SNTG2: variants seen among roughly 807,000 people sequenced by gnomAD.
SNTG2 encodes gamma-2-syntrophin.
SNTG2 carries 74 observed loss-of-function variants against 70.9 expected under a neutral mutation model. That is an observed-to-expected ratio of 1.04 (90% CI 0.86 to 1.27). SNTG2 has a LOEUF of 1.27. Among genes scored for constraint, SNTG2 ranks in the 50% most tolerant of loss-of-function variants. SNTG2 has a pLI of 0.00. For missense variants in SNTG2, 717 were observed against 690.7 expected (o/e 1.04, Z -0.43); for synonymous variants, 278 against 273.8 (o/e 1.02, Z -0.15).
At chr2:1,301,964 C>CTTT (rs773498290) in intron 14 of SNTG2, among the ~76,000 whole-genome samples, 4 of 141,368 alleles carry the variant, frequency 2.8e-5, no homozygotes, top group Non-Finnish European at 6.2e-5. Context: ...AGTTTTCTTA[C>CTTT]TTTTTTTTTT....
chr2:1,117,916 C>G (rs1667139163), intron 4 of SNTG2, among the ~76,000 whole-genome samples: 7 of 152,176 alleles, frequency 4.6e-5, no homozygotes, highest in Admixed American at 4.6e-4. Flanking sequence ...GGTTTTGGGT[C>G]CAGGATTGCA....
At chr2:1,075,615 T>G (rs1663865962) in intron 1 of SNTG2, among the ~76,000 whole-genome samples, 2 of 152,222 alleles carry the variant, frequency 1.3e-5, no homozygotes, top group African/African-American at 4.8e-5. Context: ...TCGTTTTTCT[T>G]CTTATCCGAA....
intron 1 of SNTG2, among the ~76,000 whole-genome samples, chr2:997,557 G>A (rs957950751): frequency 6.6e-6 from 1 of 152,192 alleles, no homozygotes; most frequent in Non-Finnish European, 1.5e-5. Flanking sequence ...AGAATGTCAG[G>A]ATGGGAGCTG....
Position 1,083,512 on chromosome 2 carries a change from C to G in SNTG2, c.73-6C>G. The G allele has an allele frequency of 1.9e-6, 3 of 1,613,508 alleles. No homozygotes were observed. Among genetic ancestry groups the G allele is most frequent in the Non-Finnish European group, 2.5e-6 (3 of 1,179,580 alleles). ...ATTTTTTTGTGTTTCCACTTTGTCC[C>G]TACAGACGAAAACCACTATTGCTCT... On this transcript the variant is annotated splice_polypyrimidine_tract_variant and splice_region_variant and intron_variant, in intron 1 of 16. Transcript: ENST00000308624.
intron 9 of SNTG2, among the ~76,000 whole-genome samples, chr2:1,235,355 C>T (rs1203617906): frequency 1.9e-5 from 2 of 106,740 alleles, no homozygotes; most frequent in East Asian, 6.0e-4. Context: ...CCACCAGGCA[C>T]CCCCGATTCA....
intron 4 of SNTG2, among the ~76,000 whole-genome samples, chr2:1,106,744 A>T: frequency 2.9e-5 from 1 of 34,570 alleles, no homozygotes; most frequent in Non-Finnish European, 5.5e-5. Flanking sequence ...CTTGATAATA[A>T]TGGACACGTG....
intron 4 of SNTG2, among the ~76,000 whole-genome samples, chr2:1,120,722 A>G (rs1192288616): frequency 6.6e-6 from 1 of 152,202 alleles, no homozygotes; most frequent in Non-Finnish European, 1.5e-5. Context: ...ATAAACATAT[A>G]TGCATCCGAC....
At chr2:1,297,183 T>C (rs1027122228) in intron 14 of SNTG2, among the ~76,000 whole-genome samples, 5 of 152,138 alleles carry the variant, frequency 3.3e-5, no homozygotes, top group Non-Finnish European at 1.5e-5. Context: ...CAGCCTCAGG[T>C]TCCCTCCCAC....
At chr2:1,340,556 T>C (rs1208795032) in intron 16 of SNTG2, among the ~76,000 whole-genome samples, 1 of 152,254 alleles carries the variant, frequency 6.6e-6, no homozygotes, top group African/African-American at 2.4e-5. Flanking sequence ...ACCTCTATTC[T>C]TTCAATTGAA....
chr2:1,041,317 AT>A (rs1661422691), intron 1 of SNTG2, among the ~76,000 whole-genome samples: 1 of 152,192 alleles, frequency 6.6e-6, no homozygotes, highest in African/African-American at 2.4e-5. Context: ...GAAGATCTTT[AT>A]TTTAAAAGCT....
Position 1,366,270 on chromosome 2 carries a change from C to T in SNTG2, c.1489-1073C>T, listed in dbSNP as rs570608022. On this transcript the variant is annotated intron_variant, in intron 16 of 16. Coordinates refer to ENST00000308624, the MANE Select transcript of SNTG2 (RefSeq NM_018968.4). ...AATGCACTTAGACCTTCTTTTCTAC[C>T]AATAGAATGGGGGTGGCAGGACGGC... 2.0e-5 allele frequency among the ~76,000 whole-genome samples: 3 copies of T among 152,152 alleles called. No homozygotes were observed. In the South Asian group the frequency reaches 6.2e-4, roughly 32 times the overall value.
intron 14 of SNTG2, among the ~76,000 whole-genome samples, chr2:1,269,585 G>C (rs1371909958): frequency 1.3e-5 from 2 of 152,120 alleles, no homozygotes. Context: ...TAATGGTCAG[G>C]ACATCTTTCC....
intron 9 of SNTG2, among the ~76,000 whole-genome samples, chr2:1,235,292 T>G (rs28418593): frequency 2.5e-4 from 14 of 56,776 alleles, no homozygotes; most frequent in South Asian, 1.1e-3. Flanking sequence ...AGGCACACCC[T>G]ATTCATGAGA....
intron 6 of SNTG2, 86 bp from the exon 7 acceptor site, chr2:1,165,462 C>T (rs1670643541): frequency 8.0e-7 from 1 of 1,242,276 alleles, no homozygotes; most frequent in Admixed American, 2.2e-5. Context: ...TCTTGGGAAA[C>T]AGGAGAGGTA....
chr2:1,164,342 G>A (rs1263927184), intron 6 of SNTG2, among the ~76,000 whole-genome samples: 8 of 118,988 alleles, frequency 6.7e-5, no homozygotes, highest in South Asian at 3.5e-4. Flanking sequence ...ATGAAGTGAG[G>A]TAGGAACCTG....
chr2:1,171,156 T>C (rs1345583001), intron 7 of SNTG2, among the ~76,000 whole-genome samples: 1 of 152,218 alleles, frequency 6.6e-6, no homozygotes, highest in East Asian at 1.9e-4. Flanking sequence ...TTTTAAAAAA[T>C]AATGGACTTT....
intron 9 of SNTG2, among the ~76,000 whole-genome samples, chr2:1,233,381 G>A (rs761611155): frequency 8.5e-5 from 13 of 152,220 alleles, no homozygotes. Flanking sequence ...GGTCAAATCT[G>A]TTGAGGTGTG....
intron 1 of SNTG2, among the ~76,000 whole-genome samples, chr2:964,550 A>T (rs1231403695): frequency 6.6e-6 from 1 of 152,154 alleles, no homozygotes; most frequent in Non-Finnish European, 1.5e-5. Flanking sequence ...CATGAGAAGG[A>T]TGGGAGGAGG....
At chr2:1,085,233 C>G (rs561532031) in intron 2 of SNTG2, among the ~76,000 whole-genome samples, 1 of 152,262 alleles carries the variant, frequency 6.6e-6, no homozygotes, top group South Asian at 2.1e-4. Context: ...TTTAAACTTA[C>G]CCTGCTTAAT....
Sources: gnomAD v4.1 joint callset for allele counts (sites outside exome capture counted in the v4.1 genomes callset) on GRCh38, gnomAD v4.1.1 for gene constraint, MANE v1.5 for transcripts, NCBI Gene and HGNC (gene_info 2026-07-23, HGNC 2026-07-21) for gene names.